Variants in PLSCR2 observed in about 807,000 individuals in gnomAD.
PLSCR2 encodes the protein PL scramblase 2.
In PLSCR2, 18 loss-of-function variants were observed where a neutral mutation model predicts 25.3. The ratio of observed to expected loss-of-function variants is 0.71; its 90% CI spans 0.49 to 1.06. PLSCR2 has a LOEUF of 1.06. Ranked by LOEUF, PLSCR2 falls within the 50% of genes least tolerant of loss-of-function variation. PLSCR2 has a pLI of 0.00. For synonymous variants in PLSCR2, 88 were observed against 87.3 expected (o/e 1.01, Z -0.04); for missense variants, 243 against 269.5 (o/e 0.90, Z 0.69).
At position 146,454,214 on chromosome 3, in the gene PLSCR2, T is replaced by G. The variant is rs369842587; in HGVS notation, c.322-51A>C. 256 of 1,265,772 alleles carry G rather than the reference T, an allele frequency of 2.0e-4. 2 individuals are homozygous for G. The East Asian group carries it at 5.6e-3, about 28-fold the overall frequency. 78.4% of individuals were successfully genotyped at this position (1,265,772 alleles called of 1,614,324 possible). On this transcript the variant is annotated intron_variant, in intron 4 of 6. Coordinates refer to ENST00000610787, the Ensembl canonical transcript of PLSCR2. ...GTAATAAATCATCATAATAAAAATA[T>G]CTAATAATAGCTCTAATTTACTGAG...
At position 146,449,381 on chromosome 3, in the gene PLSCR2, A is replaced by G; in HGVS notation, c.484-14T>C. The G allele has an allele frequency of 6.4e-7, 1 of 1,553,878 alleles. No individual in the cohort carries two copies. Among genetic ancestry groups the G allele is most frequent in the South Asian group, 1.2e-5 (1 of 82,576 alleles). On this transcript the variant is annotated splice_polypyrimidine_tract_variant and intron_variant, in intron 5 of 6. Coordinates refer to ENST00000610787, the Ensembl canonical transcript of PLSCR2. ...AAGAGATGTAATCTAAATTGCAAAA[A>G]AAAAAAAAACTTAAAAATTTCTAGA...
downstream of PLSCR2, among the ~76,000 whole-genome samples, chr3:146,430,103 T>A (rs773925264): frequency 3.9e-5 from 6 of 152,160 alleles, no homozygotes; most frequent in Non-Finnish European, 8.8e-5. Flanking sequence ...CATAGCCATG[T>A]AGAAAGAAGG....
chr3:146,466,708 G>A (rs1356737581), intron 1 of PLSCR2, among the ~76,000 whole-genome samples: 3 of 152,094 alleles, frequency 2.0e-5, no homozygotes, highest in African/African-American at 7.2e-5. Context: ...CTTCATAAAT[G>A]AGAAAACTAA....
chr3:146,453,430 A>G (rs78322387), intron 5 of PLSCR2, among the ~76,000 whole-genome samples: 1,860 of 152,252 alleles, frequency 0.012, 36 homozygotes, highest in African/African-American at 0.043. Context: ...TGCTGTAATG[A>G]AATTTCTGCA....
At chr3:146,404,919 T>C (rs562008134) in intron 2 of PLSCR2, among the ~76,000 whole-genome samples, 13 of 152,108 alleles carry the variant, frequency 8.5e-5, no homozygotes, top group Middle Eastern at 3.4e-3. Flanking sequence ...CCTTTGATTC[T>C]ATGTCTTGCA....
chr3:146,472,638 A>G (rs1330336246), intron 1 of PLSCR2, among the ~76,000 whole-genome samples: 3 of 152,104 alleles, frequency 2.0e-5, no homozygotes, highest in Non-Finnish European at 4.4e-5. Context: ...AAAGGTATTA[A>G]TCCCATTTAT....
downstream of PLSCR2, among the ~76,000 whole-genome samples, chr3:146,437,431 T>C (rs2039944036): frequency 6.6e-6 from 1 of 152,214 alleles, no homozygotes; most frequent in Non-Finnish European, 1.5e-5. Flanking sequence ...AGGCTATTAA[T>C]TATTGCTTCA....
At chr3:146,474,481 T>C (rs2042220447) in intron 1 of PLSCR2, among the ~76,000 whole-genome samples, 1 of 152,172 alleles carries the variant, frequency 6.6e-6, no homozygotes, top group African/African-American at 2.4e-5. Flanking sequence ...TTCTGGCTTG[T>C]AGAGTTTCTG....
chr3:146,464,069 T>C (rs1389826408), upstream of PLSCR2: 1 of 633,836 alleles, frequency 1.6e-6, no homozygotes, highest in East Asian at 1.4e-4. Flanking sequence ...CGGAATCCAG[T>C]TTGCATTAAC....
downstream of PLSCR2, among the ~76,000 whole-genome samples, chr3:146,428,345 TTA>T (rs1436297377): frequency 6.6e-6 from 1 of 152,186 alleles, no homozygotes; most frequent in Non-Finnish European, 1.5e-5. Context: ...CCTCAATATA[TTA>T]ATGACAAGAG....
Position 146,469,488 on chromosome 3 carries a change from C to T in PLSCR2, c.-292-9204G>A. The stretch of plus-strand genomic sequence containing the variant: ...TAGGGAGGCGACTGAGAAAGCCGCC[C>T]CCTTACCCGTGGCTGCAGCTGCTCC... On this transcript the variant is annotated intron_variant, in intron 1 of 8. Coordinates refer to the PLSCR2 transcript ENST00000336685. 1.0e-6 allele frequency: 1 copy of T among 982,374 alleles called. No individual in the cohort carries two copies. Among genetic ancestry groups the T allele is most frequent in the Non-Finnish European group, 1.2e-6 (1 of 827,144 alleles). 60.9% of individuals were successfully genotyped at this position (982,374 alleles called of 1,614,324 possible). A position where few individuals can be genotyped will look rare whatever the true frequency, so the allele number is the denominator to read the frequency against.
chr3:146,416,300 G>A (rs569979157), intron 2 of PLSCR2, among the ~76,000 whole-genome samples: 11 of 151,932 alleles, frequency 7.2e-5, no homozygotes, highest in Middle Eastern at 3.4e-3. Context: ...AAATTTGTAT[G>A]TAACAATATT....
chr3:146,429,513 G>A (rs1251488445), downstream of PLSCR2, among the ~76,000 whole-genome samples: 2 of 152,140 alleles, frequency 1.3e-5, no homozygotes, highest in Non-Finnish European at 2.9e-5. Flanking sequence ...TGATGACTGA[G>A]GGTATCTAGT....
At chr3:146,474,584 C>G (rs978180385) in intron 1 of PLSCR2, among the ~76,000 whole-genome samples, 9 of 152,142 alleles carry the variant, frequency 5.9e-5, no homozygotes, top group African/African-American at 2.2e-4. Context: ...TTCGTTTCAG[C>G]CTGGGAGAAT....
At chr3:146,401,150 A>G (rs1316440082) in intron 2 of PLSCR2, among the ~76,000 whole-genome samples, 1 of 152,102 alleles carries the variant, frequency 6.6e-6, no homozygotes, top group African/African-American at 2.4e-5. Context: ...AATAGAAAAC[A>G]TCTAAAGATT....
At chr3:146,459,807 GTT>G (rs201700558) in intron 2 of PLSCR2, 39 bp downstream of exon 2, 260 of 1,166,938 alleles carry the variant, frequency 2.2e-4, no homozygotes, top group South Asian at 1.0e-3. Flanking sequence ...CAGAAAGAGA[GTT>G]TTTTTTTTTT....
chr3:146,489,331 A>G (rs958670623), intron 1 of PLSCR2, among the ~76,000 whole-genome samples: 1 of 152,088 alleles, frequency 6.6e-6, no homozygotes, highest in Non-Finnish European at 1.5e-5. Context: ...ATAAAATAAA[A>G]TATATATTAA....
rs375397679 is a variant in PLSCR2, at chr3:146,404,871, GA to G, written c.101-8951del. ...CCCAGGTAAGTCCAAAGTCCAATAG[GA>G]AAAATAACATTAAGTCTTAAAGCTG... On this transcript the variant is annotated intron_variant and NMD_transcript_variant, in intron 2 of 3. Transcript: ENST00000463633. 9.9e-4 allele frequency among the ~76,000 whole-genome samples: 149 copies of G among 150,736 alleles called. 1 individual carries two copies. The highest frequency in any genetic ancestry group is 3.5e-3 in the African/African-American group (142 of 41,110).
At chr3:146,487,130 A>G (rs1259243560) in intron 1 of PLSCR2, among the ~76,000 whole-genome samples, 1 of 152,202 alleles carries the variant, frequency 6.6e-6, no homozygotes, top group Non-Finnish European at 1.5e-5. Flanking sequence ...TCATGTCAAT[A>G]ACTCTCAATA....
Sources: gnomAD v4.1 joint callset for allele counts (sites outside exome capture counted in the v4.1 genomes callset) on GRCh38, gnomAD v4.1.1 for gene constraint, MANE v1.5 for transcripts, NCBI Gene and HGNC (gene_info 2026-07-23, HGNC 2026-07-21) for gene names.